The following ITGA8 variants were observed in gnomAD, a reference collection of about 807,000 sequenced individuals.
ITGA8 encodes the protein integrin alpha-8.
ITGA8 carries 91 observed loss-of-function variants against 142.3 expected under a neutral mutation model. The ratio of observed to expected loss-of-function variants is 0.64; its 90% CI spans 0.54 to 0.76. The LOEUF is 0.76. Among genes scored for constraint, ITGA8 ranks in the 30% least tolerant of loss-of-function variants. The pLI, the probability that ITGA8 is intolerant of heterozygous loss-of-function variation, is 0.00. For synonymous variants in ITGA8, 505 were observed against 485.2 expected (o/e 1.04, Z -0.54); for missense variants, 1,406 against 1,327.7 (o/e 1.06, Z -0.92).
chr10:15,625,734 C>G (rs1481601742), intron 13 of ITGA8, among the ~76,000 whole-genome samples: 1 of 152,124 alleles, frequency 6.6e-6, no homozygotes, highest in Non-Finnish European at 1.5e-5. Context: ...TTAGCCTGCA[C>G]CTCAGAATGT....
Position 15,719,784 on chromosome 10 carries a change from C to CGGTG in ITGA8, c.-17_-14dup. 7.4e-7 allele frequency: 1 copy of CGGTG among 1,344,640 alleles called. No individual in the cohort carries two copies. The highest frequency in any genetic ancestry group is 3.1e-5 in the East Asian group (1 of 31,952). 83.3% of individuals were successfully genotyped at this position (1,344,640 alleles called of 1,614,324 possible). A position where few individuals can be genotyped will look rare whatever the true frequency, so the allele number is the denominator to read the frequency against. ...CCCCGGGCGACATCTCCCTCCGCCCCGGTGGGTGGCTGCTACCCAGGAGCG... is the reference window on the plus strand; with the variant it reads ...CCCCGGGCGACATCTCCCTCCGCCCCGGTGGGTGGGTGGCTGCTACCCAGGAGCG... On this transcript the variant is annotated 5_prime_UTR_variant, in exon 1 of 30. Coordinates refer to ENST00000378076, the MANE Select transcript of ITGA8 (RefSeq NM_003638.3).
In ITGA8 at chr10:15,604,213, T is replaced by G; in HGVS notation, c.2113A>C (p.Asn705His). Residue 705 changes from asparagine (N) to histidine (H), a missense_variant, in exon 20 of 30, where the codon AAC (asparagine) becomes CAC (histidine). Physicochemically the swap from Asn to His is moderately conservative, Grantham distance 68 (BLOSUM62 1). Transcript: ENST00000378076. ...EADYVGIERN[N>H]KGFRPLSCEY... ...AAACAATTTGCAGGCATTACCTTGT[T>G]GTTGCGTTCGATTCCAACATAATCT... The G allele has an allele frequency of 6.2e-7, 1 of 1,609,668 alleles. No individual in the cohort carries two copies. Among genetic ancestry groups the G allele is most frequent in the Non-Finnish European group, 8.5e-7 (1 of 1,178,670 alleles).
chr10:15,639,248 C>T (rs1026583969), intron 13 of ITGA8, among the ~76,000 whole-genome samples: 9 of 152,086 alleles, frequency 5.9e-5, no homozygotes, highest in Non-Finnish European at 2.9e-5. Flanking sequence ...GGTTTGACAC[C>T]CTTGTAAAGA....
rs34758919 is a variant in ITGA8 at position 15,527,906 on chromosome 10, C to CTTTT, written c.2982+3140_2982+3143dup. Among the ~76,000 whole-genome samples, 246 of 78,060 alleles carry CTTTT rather than the reference C, an allele frequency of 3.2e-3. 102 individuals carry two copies. Among genetic ancestry groups the CTTTT allele is most frequent in the African/African-American group, 9.9e-3 (189 of 19,014 alleles). The allele number at this position is 78,060 out of a possible 152,430, so 51.2% of individuals were successfully genotyped here. A position where few individuals can be genotyped will look rare whatever the true frequency, so the allele number is the denominator to read the frequency against. ...TTAAAGCAATTCCCTTTCGGCTGGG[C>CTTTT]TTTTTTTTTTTTTTTTTTTTTTTTT... On this transcript the variant is annotated intron_variant, in intron 28 of 29. Coordinates refer to ENST00000378076, the MANE Select transcript of ITGA8 (RefSeq NM_003638.3).
At chr10:15,631,419 A>C (rs1033022524) in intron 13 of ITGA8, among the ~76,000 whole-genome samples, 3 of 151,974 alleles carry the variant, frequency 2.0e-5, no homozygotes, top group African/African-American at 4.9e-5. Context: ...CTTTGCGGGG[A>C]CATGGATGAA....
intron 7 of ITGA8, among the ~76,000 whole-genome samples, chr10:15,671,986 G>A (rs1312432798): frequency 6.6e-6 from 1 of 151,872 alleles, no homozygotes; most frequent in Non-Finnish European, 1.5e-5. Flanking sequence ...CATTTTAAGA[G>A]CTGCTGATTG....
chr10:15,671,618 C>A lies in ITGA8; in HGVS notation c.832G>T (p.Gly278Trp). Residue 278 changes from glycine (G) to tryptophan (W), a missense_variant, in exon 8 of 30, where the codon GGG becomes TGG. By Grantham distance (184) the Gly-to-Trp change is radical. Coordinates refer to ENST00000378076, the MANE Select transcript of ITGA8 (RefSeq NM_003638.3). ...TGCCTCTCACCTTGCTGAGAATCCC[C>A]AGTAAACTCCCCAGCAGCAACTGAG... ...GYSVAAGEFTGDSQQELVAGI... is the reference protein window; with the variant it reads ...GYSVAAGEFTWDSQQELVAGI... The A allele has an allele frequency of 6.2e-7, 1 of 1,612,850 alleles. No individual in the cohort carries two copies. The highest frequency in any genetic ancestry group is 8.5e-7 in the Non-Finnish European group (1 of 1,179,056).
intron 27 of ITGA8, among the ~76,000 whole-genome samples, chr10:15,543,424 C>T (rs1483612963): frequency 2.6e-5 from 4 of 152,220 alleles, no homozygotes; most frequent in African/African-American, 4.8e-5. Flanking sequence ...TTTACCCAAA[C>T]TGCAAGAGCA....
rs1398345991 is a variant in ITGA8 at position 15,644,228 on chromosome 10, A to G, written c.1208-7T>C. On this transcript the variant is annotated splice_polypyrimidine_tract_variant and splice_region_variant and intron_variant, in intron 12 of 29. Transcript: ENST00000378076. ...GGCACTCCGATGGCAATGTCTAAAAACAGACATAAAACATGTTTTATGTGT... is the reference window on the plus strand; with the variant it reads ...GGCACTCCGATGGCAATGTCTAAAAGCAGACATAAAACATGTTTTATGTGT... 2.5e-6 allele frequency: 4 copies of G among 1,611,574 alleles called. No individual in the cohort carries two copies. The highest frequency in any genetic ancestry group is 3.4e-6 in the Non-Finnish European group (4 of 1,178,432).
At chr10:15,534,955 C>A (rs7069498) in intron 27 of ITGA8, among the ~76,000 whole-genome samples, 3 of 152,142 alleles carry the variant, frequency 2.0e-5, no homozygotes, top group African/African-American at 4.8e-5. Flanking sequence ...CTCAGCTTGC[C>A]GGGAGGTGTG....
In ITGA8 at chr10:15,606,361, T is replaced by C; in HGVS notation, c.1826A>G (p.Asp609Gly). 1 of 1,612,156 alleles carries C rather than the reference T, an allele frequency of 6.2e-7. No individual in the cohort carries two copies. The highest frequency in any genetic ancestry group is 8.5e-7 in the Non-Finnish European group (1 of 1,178,444). The change falls in exon 18 of 30, where the codon GAC (aspartate) becomes GGC (glycine). Residue 609 changes from aspartate to glycine, a missense_variant. Physicochemically the swap from Asp to Gly is moderately conservative, Grantham distance 94. Transcript: ENST00000378076. ...CAGGCCTTCTTTAAAGGTGGATTCG[T>C]CCAAACTGTAATTCAAACTAATGTT... The part of the protein sequence containing the change: ...PINISLNYSL[D>G]ESTFKEGLEV...
intron 13 of ITGA8, among the ~76,000 whole-genome samples, chr10:15,629,100 C>T (rs937072864): frequency 6.6e-6 from 1 of 151,866 alleles, no homozygotes. Flanking sequence ...CTCCTGGTCT[C>T]ACAGCCAAGA....
intron 25 of ITGA8, among the ~76,000 whole-genome samples, chr10:15,567,196 T>C (rs983878155): frequency 4.0e-5 from 6 of 151,830 alleles, no homozygotes; most frequent in Non-Finnish European, 7.4e-5. Flanking sequence ...AAAAATCCTT[T>C]ACTCATTATG....
chr10:15,549,465 C>T (rs956661299), intron 26 of ITGA8, among the ~76,000 whole-genome samples: 2 of 152,156 alleles, frequency 1.3e-5, no homozygotes, highest in African/African-American at 2.4e-5. Context: ...CCCGCCTCGG[C>T]CTCCCAAGGT....
intron 21 of ITGA8, among the ~76,000 whole-genome samples, chr10:15,593,100 C>T (rs1832953385): frequency 6.6e-6 from 1 of 152,100 alleles, no homozygotes; most frequent in Admixed American, 6.5e-5. Context: ...AATTCCTCTA[C>T]AGTACAGGAG....
intron 11 of ITGA8, among the ~76,000 whole-genome samples, chr10:15,651,578 C>A (rs1834086348): frequency 1.3e-5 from 2 of 151,180 alleles, no homozygotes; most frequent in African/African-American, 4.9e-5. Context: ...TTTTAGGGAC[C>A]TTGTTTTTGT....
intron 2 of ITGA8, among the ~76,000 whole-genome samples, chr10:15,707,764 G>C (rs141998878): frequency 6.6e-6 from 1 of 151,210 alleles, no homozygotes; most frequent in Non-Finnish European, 1.5e-5. Context: ...TGGAGGTTGC[G>C]GTGAGCCTAG....
Position 15,623,410 on chromosome 10 carries a change from G to A in ITGA8, c.1400-6851C>T, listed in dbSNP as rs541405249. Reference sequence around the variant, plus strand: ...TAAAAAAAATTAAAGATATGGCCAGGCATAGTAGCTCACGCCTGTAATCCC... The same window carrying A: ...TAAAAAAAATTAAAGATATGGCCAGACATAGTAGCTCACGCCTGTAATCCC... On this transcript the variant is annotated intron_variant, in intron 13 of 29. Transcript: ENST00000378076. Among the ~76,000 whole-genome samples, 4 of 152,228 alleles carry A rather than the reference G, an allele frequency of 2.6e-5. No homozygotes were observed. In the South Asian group the frequency reaches 8.3e-4, roughly 32 times the overall value.
At chr10:15,661,077 C>T (rs895243614) in intron 8 of ITGA8, among the ~76,000 whole-genome samples, 155 bp from the exon 9 acceptor site, 2 of 152,302 alleles carry the variant, frequency 1.3e-5, no homozygotes, top group Non-Finnish European at 1.5e-5. Flanking sequence ...TCAACCAGCA[C>T]CTGTCTGTGG....
Sources: allele counts gnomAD v4.1 joint callset (sites outside exome capture counted in the v4.1 genomes callset), GRCh38; gene constraint gnomAD v4.1.1; transcripts MANE v1.5; gene names NCBI Gene and HGNC (gene_info 2026-07-23, HGNC 2026-07-21).